The following AQP11 variants were observed in gnomAD, a reference collection of about 807,000 sequenced individuals.
AQP11 encodes aquaporin-11.
A neutral mutation model predicts 21.1 loss-of-function variants in AQP11; 20 were observed. That is an observed-to-expected ratio of 0.95 (90% CI 0.67 to 1.38). AQP11 has a LOEUF of 1.38. Among genes scored for constraint, AQP11 ranks in the 40% most tolerant of loss-of-function variants. The pLI, the probability that AQP11 is intolerant of heterozygous loss-of-function variation, is 0.00. For synonymous variants in AQP11, 167 were observed against 150.1 expected, an observed-to-expected ratio of 1.11 and a Z score of -0.82; for missense variants, 339 against 340.4, an observed-to-expected ratio of 1.00 and a Z score of 0.03.
intron 1 of AQP11, among the ~76,000 whole-genome samples, chr11:77,600,748 C>T (rs972716254): frequency 1.3e-5 from 2 of 152,260 alleles, no homozygotes; most frequent in East Asian, 3.9e-4. Flanking sequence ...TGCGGTGGCT[C>T]ACGCCTGTAA....
chr11:77,603,653 C>G lies in AQP11; in HGVS notation c.717C>G (p.Tyr239Ter). The G allele has an allele frequency of 6.3e-7, 1 of 1,592,794 alleles. No individual in the cohort carries two copies. The highest frequency in any genetic ancestry group is 1.2e-5 in the South Asian group (1 of 85,182). The change falls in exon 2 of 3, where the codon TAC (tyrosine) becomes TAG (stop). Residue 239 changes from tyrosine to a stop codon, truncating the protein, a stop_gained. Transcript: ENST00000313578. LOFTEE classifies it high-confidence loss of function. ...CATTCCCTCAGTTTTTTATAGTATA[C>G]TGGCTGGCTCCTTCTTTAGGTAAGC... is the stretch of plus-strand genomic sequence containing the variant. ...DEAFPQFFIV[Y>*]WLAPSLGILL...
At chr11:77,596,534 GTAAA>G (rs1958782682) in intron 1 of AQP11, among the ~76,000 whole-genome samples, 1 of 62,314 alleles carries the variant, frequency 1.6e-5, no homozygotes, top group African/African-American at 5.9e-5. Flanking sequence ...AAATATATAT[GTAAA>G]TATATATATA....
chr11:77,606,786 G>A (rs1461390356), intron 2 of AQP11, among the ~76,000 whole-genome samples: 1 of 152,078 alleles, frequency 6.6e-6, no homozygotes. Flanking sequence ...TTATAGAAAC[G>A]GGGTTTCTAT....
At chr11:77,604,115 G>A (rs1265913943) in intron 2 of AQP11, among the ~76,000 whole-genome samples, 1 of 151,900 alleles carries the variant, frequency 6.6e-6, no homozygotes, top group Non-Finnish European at 1.5e-5. Context: ...TATTGTTTTT[G>A]TTTTGTTTTT....
At chr11:77,598,762 T>C (rs1167568373) in intron 1 of AQP11, among the ~76,000 whole-genome samples, 1 of 152,200 alleles carries the variant, frequency 6.6e-6, no homozygotes, top group African/African-American at 2.4e-5. Flanking sequence ...TCGCCCAGGC[T>C]GGAGCACAGT....
chr11:77,600,206 C>A (rs1454157377), intron 1 of AQP11, among the ~76,000 whole-genome samples: 1 of 150,718 alleles, frequency 6.6e-6, no homozygotes, highest in Non-Finnish European at 1.5e-5. Flanking sequence ...TGAGCTCAGG[C>A]GATACACCCA....
chr11:77,609,035 C>T (rs910302199), intron 2 of AQP11, among the ~76,000 whole-genome samples: 4 of 151,970 alleles, frequency 2.6e-5, no homozygotes, highest in Non-Finnish European at 1.5e-5. Context: ...ATTGGTTTTA[C>T]CAAATGCATA....
chr11:77,607,771 A>T (rs1051260952), intron 2 of AQP11, among the ~76,000 whole-genome samples: 33 of 152,010 alleles, frequency 2.2e-4, no homozygotes, highest in Non-Finnish European at 3.5e-4. Context: ...CTCAAAAAAA[A>T]AAAAAAAAAG....
intron 1 of AQP11, among the ~76,000 whole-genome samples, chr11:77,596,428 GA>G (rs1321759245): frequency 5.4e-5 from 7 of 130,704 alleles, no homozygotes; most frequent in African/African-American, 2.2e-4. Context: ...GCAACAGAGC[GA>G]GACTATGTCT....
intron 1 of AQP11, among the ~76,000 whole-genome samples, chr11:77,593,452 G>A (rs975817291): frequency 2.0e-5 from 3 of 152,112 alleles, no homozygotes; most frequent in Admixed American, 6.5e-5. Flanking sequence ...TGGCTAACAC[G>A]GTGAAACCCC....
intron 2 of AQP11, among the ~76,000 whole-genome samples, chr11:77,607,507 T>C (rs566591524): frequency 3.3e-5 from 5 of 152,280 alleles, no homozygotes; most frequent in African/African-American, 1.2e-4. Flanking sequence ...TCATAGTCCA[T>C]ATTCTTTCTT....
intron 2 of AQP11, among the ~76,000 whole-genome samples, chr11:77,606,636 C>T (rs922701463): frequency 3.3e-5 from 5 of 152,172 alleles, no homozygotes; most frequent in Non-Finnish European, 7.3e-5. Context: ...ACCTCTGCCT[C>T]GCAGGCGCAA....
Position 77,609,374 on chromosome 11 carries a change from A to ATAAC in AQP11, c.815_*2dup. 2 of 1,610,858 alleles carry ATAAC rather than the reference A, an allele frequency of 1.2e-6. No individual in the cohort carries two copies. The highest frequency in any genetic ancestry group is 1.7e-6 in the Non-Finnish European group (2 of 1,178,112). ...ACAACCATACAATTAATAAAAAGGA[A>ATAAC]TAACTGTTCCAAAGACTCAGACTAA... On this transcript the variant is annotated frameshift_variant and stop_retained_variant, in exon 3 of 3. Coordinates refer to ENST00000313578, the MANE Select transcript of AQP11 (RefSeq NM_173039.3). LOFTEE classifies it high-confidence loss of function.
chr11:77,596,646 G>A (rs775358039), intron 1 of AQP11, among the ~76,000 whole-genome samples: 23 of 147,944 alleles, frequency 1.6e-4, no homozygotes, highest in Non-Finnish European at 2.8e-4. Flanking sequence ...ACTGCATGAG[G>A]CCAGCAGTTT....
chr11:77,595,543 A>G (rs1367391166), intron 1 of AQP11, among the ~76,000 whole-genome samples: 2 of 152,202 alleles, frequency 1.3e-5, no homozygotes, highest in South Asian at 4.1e-4. Flanking sequence ...AGATCTTAGC[A>G]TAGGACCTGG....
chr11:77,596,525 AAT>A (rs1283873207), intron 1 of AQP11, among the ~76,000 whole-genome samples: 1 of 87,252 alleles, frequency 1.1e-5, no homozygotes, highest in African/African-American at 4.5e-5. Context: ...TATATATGTA[AAT>A]ATATATGTAA....
At chr11:77,600,125 A>ATT (rs35426110) in intron 1 of AQP11, among the ~76,000 whole-genome samples, 5,562 of 129,622 alleles carry the variant, frequency 0.043, 398 homozygotes, top group African/African-American at 0.14. Context: ...ATGCCCAGCT[A>ATT]TTTTTTTTTT....
In AQP11 at chr11:77,603,534, C is replaced by A. The variant is rs1189244450; in HGVS notation, c.620-22C>A. ...ATGGAAGATAAATCATTTGAAATCA[C>A]TCTGCTTAAAATCTGTTACAGGAGG... is the stretch of plus-strand genomic sequence containing the variant. On this transcript the variant is annotated intron_variant, in intron 1 of 2. Transcript: ENST00000313578. 3 of 1,481,650 alleles carry A rather than the reference C, an allele frequency of 2.0e-6. 1 individual carries two copies. The South Asian group carries it at 3.9e-5, about 19-fold the overall frequency. 91.8% of individuals were successfully genotyped at this position (1,481,650 alleles called of 1,614,324 possible).
chr11:77,600,930 T>A (rs1318510434), intron 1 of AQP11, among the ~76,000 whole-genome samples: 1 of 150,746 alleles, frequency 6.6e-6, no homozygotes, highest in African/African-American at 2.4e-5. Flanking sequence ...GAGAATGGTG[T>A]GAACCCGGGA....
Sources: allele counts gnomAD v4.1 joint callset (sites outside exome capture counted in the v4.1 genomes callset), GRCh38; gene constraint gnomAD v4.1.1; transcripts MANE v1.5; gene names NCBI Gene and HGNC (gene_info 2026-07-23, HGNC 2026-07-21).